Variants in ADGRG3 observed in about 807,000 individuals in gnomAD.
ADGRG3 encodes the protein G protein-coupled receptor 97.
In ADGRG3, 39 loss-of-function variants were observed where a neutral mutation model predicts 54.3. That is an observed-to-expected ratio of 0.72 (90% CI 0.56 to 0.94). The LOEUF (loss-of-function observed/expected upper bound fraction) is 0.94. ADGRG3 is among the 40% of genes least tolerant of loss of function. The probability of loss-of-function intolerance (pLI) is 0.00; values close to 1 mark genes in which losing one functional copy is unlikely to be tolerated. For missense variants in ADGRG3, 654 were observed against 694.6 expected, an observed-to-expected ratio of 0.94 and a Z score of 0.66; for synonymous variants, 312 against 290.0, an observed-to-expected ratio of 1.08 and a Z score of -0.77.
Position 57,680,271 on chromosome 16 carries a change from C to G in ADGRG3, c.674C>G (p.Thr225Ser), listed in dbSNP as rs745503835. The G allele has an allele frequency of 8.1e-6, 13 of 1,605,778 alleles. No individual in the cohort carries two copies. The highest frequency in any genetic ancestry group is 1.1e-5 in the Non-Finnish European group (13 of 1,174,778). Residue 225 changes from threonine (T) to serine (S), a missense_variant, in exon 7 of 12, where the codon ACT (threonine) becomes AGT (serine). Physicochemically the swap from Thr to Ser is moderately conservative, Grantham distance 58 (BLOSUM62 1). Transcript: ENST00000333493. ...CCCCTGGCCTCCTCTCCAGGGACCA[C>G]TGGAGACTGGTCTTCTGAGGGCTGC... ...CVFWDVTKGTTGDWSSEGCST... is the reference protein window; with the variant it reads ...CVFWDVTKGTSGDWSSEGCST...
Position 57,678,218 on chromosome 16 carries a change from C to T in ADGRG3, c.394C>T (p.Arg132Ter), listed in dbSNP as rs372508572. 46 of 1,614,170 alleles carry T rather than the reference C, an allele frequency of 2.8e-5. No individual in the cohort carries two copies. The highest frequency in any genetic ancestry group is 1.3e-4 in the South Asian group (12 of 91,084). Residue 132 changes from arginine (R) to a stop codon, truncating the protein, a stop_gained, in exon 4 of 12, where the codon CGA becomes TGA. Coordinates refer to ENST00000333493, the MANE Select transcript of ADGRG3 (RefSeq NM_170776.5). LOFTEE classifies it high-confidence loss of function. ...CGAGGACAAGCCCCCTGACAGAGTG[C>T]GACTTCCCAAGAGCCTTTTTCGATC... ...KDEDKPPDRV[R>*]LPKSLFRSLP... is the part of the protein sequence containing the mutation.
At chr16:57,668,860 T>A (rs1281336976) in intron 1 of ADGRG3, among the ~76,000 whole-genome samples, 2 of 152,154 alleles carry the variant, frequency 1.3e-5, no homozygotes, top group African/African-American at 4.8e-5. Flanking sequence ...CTCCCGCACA[T>A]GTCACCCCAC....
intron 4 of ADGRG3, 151 bp from the exon 5 acceptor site, chr16:57,679,026 C>T: frequency 1.2e-6 from 1 of 853,314 alleles, no homozygotes; most frequent in Non-Finnish European, 1.8e-6. Context: ...GAGGAGGCTG[C>T]CTGTGACTCC....
At chr16:57,675,891 C>T (rs1470078688) in intron 2 of ADGRG3, among the ~76,000 whole-genome samples, 1 of 152,132 alleles carries the variant, frequency 6.6e-6, no homozygotes, top group Non-Finnish European at 1.5e-5. Context: ...GTGACGGTTG[C>T]ACAACATTGT....
intron 5 of ADGRG3, 117 bp downstream of exon 5, chr16:57,679,428 G>T (rs536543565): frequency 2.4e-5 from 28 of 1,175,350 alleles, no homozygotes; most frequent in Non-Finnish European, 3.3e-5. Flanking sequence ...TTCCACAGTC[G>T]CCCAGGAGGA....
At position 57,679,174 on chromosome 16, in the gene ADGRG3, C is replaced by T. The variant is rs11863966; in HGVS notation, c.493-3C>T. 106 of 1,613,676 alleles carry T rather than the reference C, an allele frequency of 6.6e-5. No homozygotes were observed. In the African/African-American group the frequency reaches 7.5e-4, roughly 11 times the overall value. On this transcript the variant is annotated splice_polypyrimidine_tract_variant and splice_region_variant and intron_variant, in intron 4 of 11. Coordinates refer to ENST00000333493, the MANE Select transcript of ADGRG3 (RefSeq NM_170776.5). Reference sequence around the variant, plus strand: ...CTGGCCTCCCCGATCTCCCCTTTCACAGGGCCCCCGGCTCGGCCTGGGAGA... The same window carrying T: ...CTGGCCTCCCCGATCTCCCCTTTCATAGGGCCCCCGGCTCGGCCTGGGAGA...
At chr16:57,666,652 G>C (rs989623629), upstream of ADGRG3, among the ~76,000 whole-genome samples, 2 of 152,168 alleles carry the variant, frequency 1.3e-5, no homozygotes, top group South Asian at 2.1e-4. Flanking sequence ...GGGTTGGGGG[G>C]GGTCTCAGGG....
At chr16:57,671,152 A>G (rs1359679583) in intron 1 of ADGRG3, among the ~76,000 whole-genome samples, 2 of 152,184 alleles carry the variant, frequency 1.3e-5, no homozygotes, top group Non-Finnish European at 2.9e-5. Flanking sequence ...ATAAGATTCA[A>G]TGTCATCCCT....
rs994255755 is a variant in ADGRG3 at position 57,686,052 on chromosome 16, G to T, written c.1540+126G>T. On this transcript the variant is annotated intron_variant, in intron 11 of 11. Coordinates refer to ENST00000333493, the MANE Select transcript of ADGRG3 (RefSeq NM_170776.5). ...CAGGCTAGCTGAAGTCAAGGATGTT[G>T]ATTTCAAATACTCAGAGCAAGGATC... 40 of 966,266 alleles carry T rather than the reference G, an allele frequency of 4.1e-5. 1 individual carries two copies. Among genetic ancestry groups the T allele is most frequent in the South Asian group, 6.2e-5 (4 of 65,024 alleles). The allele number at this position is 966,266 out of a possible 1,614,324, so 59.9% of individuals were successfully genotyped here.
chr16:57,681,344 G>T (rs1183050945), intron 8 of ADGRG3: 1 of 108,308 alleles, frequency 9.2e-6, no homozygotes, highest in Non-Finnish European at 1.7e-5. Context: ...GTCTGTGTGT[G>T]TGTCTGTGTG....
Position 57,688,959 on chromosome 16 carries a change from A to G in ADGRG3, c.*498A>G. On this transcript the variant is annotated 3_prime_UTR_variant, in exon 12 of 12. Transcript: ENST00000333493. Reference sequence around the variant, plus strand: ...TTGGGGGGTGGGAGTTGATCCTCCCACCCAGTCTGCCCCTGGTCTCTGCCC... The same window carrying G: ...TTGGGGGGTGGGAGTTGATCCTCCCGCCCAGTCTGCCCCTGGTCTCTGCCC... 6.3e-6 allele frequency: 1 copy of G among 158,280 alleles called. No homozygotes were observed. The highest frequency in any genetic ancestry group is 6.1e-5 in the Admixed American group (1 of 16,520). 9.8% of individuals were successfully genotyped at this position (158,280 alleles called of 1,614,324 possible).
rs1398333014 is a variant in ADGRG3, at chr16:57,684,196, G to A, written c.1146G>A (p.Leu382=). The change falls in exon 9 of 12, where the codon CTG becomes CTA. Residue 382 remains leucine (L), a synonymous_variant. Transcript: ENST00000333493. ...NTYFGHYFLK[L]SLVGWGLPAL... The stretch of plus-strand genomic sequence containing the variant: ...ACTTCGGGCACTACTTCCTGAAGCT[G>A]AGCCTGGTGGGCTGGGGTAGGTGCT... 1 of 1,612,976 alleles carries A rather than the reference G, an allele frequency of 6.2e-7. No homozygotes were observed. The highest frequency in any genetic ancestry group is 1.3e-5 in the African/African-American group (1 of 74,922).
Position 57,668,353 on chromosome 16 carries a change from G to T in ADGRG3, c.6G>T (p.Ala2=), listed in dbSNP as rs749045100. 1 of 1,572,068 alleles carries T rather than the reference G, an allele frequency of 6.4e-7. No individual in the cohort carries two copies. Among genetic ancestry groups the T allele is most frequent in the Non-Finnish European group, 8.6e-7 (1 of 1,165,046 alleles). The part of the protein sequence containing the change: M[A]TPRGLGALLL... The stretch of plus-strand genomic sequence containing the variant: ...GTGGGCAAGGCTGGCCAAGGATGGC[G>T]ACGCCCAGGGGCCTGGGGGCCCTGC... The change falls in exon 1 of 12, where the codon GCG becomes GCT. Residue 2 remains alanine (A), a synonymous_variant. Coordinates refer to ENST00000333493, the MANE Select transcript of ADGRG3 (RefSeq NM_170776.5).
rs2048345763 is a variant in ADGRG3, at chr16:57,680,377, C to T, written c.768+12C>T. ...TCGCCCTGCTCCTGGTAACAGCCCCCTCCACTCTGATCCCAGCCATCCCAG... is the reference window on the plus strand; with the variant it reads ...TCGCCCTGCTCCTGGTAACAGCCCCTTCCACTCTGATCCCAGCCATCCCAG... On this transcript the variant is annotated intron_variant, in intron 7 of 11. Coordinates refer to ENST00000333493, the MANE Select transcript of ADGRG3 (RefSeq NM_170776.5). The T allele has an allele frequency of 6.8e-6, 11 of 1,607,842 alleles. No individual in the cohort carries two copies. The highest frequency in any genetic ancestry group is 9.4e-6 in the Non-Finnish European group (11 of 1,174,670).
At chr16:57,685,003 C>G (rs1567861861) in intron 10 of ADGRG3, among the ~76,000 whole-genome samples, 1 of 152,248 alleles carries the variant, frequency 6.6e-6, no homozygotes, top group Non-Finnish European at 1.5e-5. Flanking sequence ...GTCTCCTCAT[C>G]TGCACCATGG....
chr16:57,671,371 CTCTT>C (rs1415373113), intron 1 of ADGRG3, among the ~76,000 whole-genome samples: 14 of 118,426 alleles, frequency 1.2e-4, no homozygotes, highest in Non-Finnish European at 1.6e-4. Context: ...GACAGAGTCT[CTCTT>C]TGTCTTCCAA....
Position 57,678,170 on chromosome 16 carries a change from G to A in ADGRG3, c.346G>A (p.Val116Ile). 6.2e-7 allele frequency: 1 copy of A among 1,614,054 alleles called. No homozygotes were observed. Among genetic ancestry groups the A allele is most frequent in the Non-Finnish European group, 8.5e-7 (1 of 1,179,964 alleles). Reference protein sequence around the residue: ...DFYFSLEPSQVPRQVMKDEDK... With the variant: ...DFYFSLEPSQIPRQVMKDEDK... The stretch of plus-strand genomic sequence containing the variant: ...GGAGCTGCTGTGTCTGTGGTTGTAG[G>A]TTCCGAGGCAGGTGATGAAGGACGA... Residue 116 changes from valine to isoleucine, a missense_variant and splice_region_variant, in exon 4 of 12, where the codon GTT becomes ATT. Transcript: ENST00000333493.
upstream of ADGRG3, among the ~76,000 whole-genome samples, chr16:57,667,569 C>G (rs982353674): frequency 6.6e-6 from 1 of 152,260 alleles, no homozygotes; most frequent in Non-Finnish European, 1.5e-5. Flanking sequence ...GATTTCATCA[C>G]ACACCTCGGG....
intron 2 of ADGRG3, chr16:57,674,535 T>A (rs1451380717): frequency 1.8e-5 from 8 of 451,076 alleles, no homozygotes; most frequent in Non-Finnish European, 3.6e-5. Context: ...GACAGCCATC[T>A]CATTGGATCA....
Sources: allele counts gnomAD v4.1 joint callset (sites outside exome capture counted in the v4.1 genomes callset), GRCh38; gene constraint gnomAD v4.1.1; transcripts MANE v1.5; gene names NCBI Gene and HGNC (gene_info 2026-07-23, HGNC 2026-07-21).